The following CTNNA2 variants were observed in gnomAD, a reference collection of about 807,000 sequenced individuals.
CTNNA2 encodes the protein catenin alpha-2.
A neutral mutation model predicts 101.0 loss-of-function variants in CTNNA2; 42 were observed. The ratio of observed to expected loss-of-function variants is 0.42; its 90% confidence interval spans 0.32 to 0.54. The LOEUF is 0.54. Ranked by LOEUF, CTNNA2 falls within the 20% of genes least tolerant of loss-of-function variation. CTNNA2 has a pLI of 0.14. For synonymous variants in CTNNA2, 450 were observed against 456.4 expected (o/e 0.99, Z 0.18); for missense variants, 871 against 1,223.1 (o/e 0.71, Z 4.29).
rs572524537 is a variant in CTNNA2, at chr2:79,201,796, A to G, written c.-406+3720A>G. ...GGTTAGCAAAATGTGAACCCCAAAT[A>G]TATGAGATGGGTCTCAGTCAATTTA... On this transcript the variant is annotated intron_variant, in intron 2 of 21. Coordinates refer to the CTNNA2 transcript ENST00000466387. 1.4e-4 allele frequency among the ~76,000 whole-genome samples: 22 copies of G among 152,204 alleles called. No homozygotes were observed. The South Asian group carries it at 4.6e-3, about 32-fold the overall frequency.
At chr2:80,244,087 A>G (rs1262070600) in intron 7 of CTNNA2, among the ~76,000 whole-genome samples, 2 of 152,238 alleles carry the variant, frequency 1.3e-5, no homozygotes, top group African/African-American at 2.4e-5. Flanking sequence ...ATGACCTAAC[A>G]TGAAGAGAAA....
At chr2:79,804,990 G>T (rs968523298) in intron 3 of CTNNA2, among the ~76,000 whole-genome samples, 1 of 152,172 alleles carries the variant, frequency 6.6e-6, no homozygotes, top group African/African-American at 2.4e-5. Context: ...GGGGAGCGGG[G>T]TCACCATGAC....
At chr2:79,951,633 C>G (rs1010858931) in intron 7 of CTNNA2, among the ~76,000 whole-genome samples, 1 of 151,832 alleles carries the variant, frequency 6.6e-6, no homozygotes, top group African/African-American at 2.4e-5. Flanking sequence ...CCATAGTACT[C>G]TAGCCTGGAT....
intron 9 of CTNNA2, among the ~76,000 whole-genome samples, chr2:80,460,752 C>G (rs960127178): frequency 6.6e-6 from 1 of 152,122 alleles, no homozygotes; most frequent in Non-Finnish European, 1.5e-5. Flanking sequence ...TTTAAAATAT[C>G]TTGTACATTC....
chr2:79,524,239 G>A (rs929865739), intron 1 of CTNNA2, among the ~76,000 whole-genome samples: 1 of 151,546 alleles, frequency 6.6e-6, no homozygotes, highest in African/African-American at 2.4e-5. Context: ...AGTCTTTTTT[G>A]TGTCCTTCAG....
At chr2:79,829,125 A>G (rs1678669180) in intron 3 of CTNNA2, among the ~76,000 whole-genome samples, 1 of 152,188 alleles carries the variant, frequency 6.6e-6, no homozygotes, top group South Asian at 2.1e-4. Context: ...GAAAAGGAAC[A>G]TGTTATCCTT....
rs1467280230 is a variant in CTNNA2, at chr2:79,338,645, A to ATTCTTCTTCTTCTTCTTCTTCTTCTT, written c.-318+25849_-318+25850insTTCTTCTTCTTCTTCTTCTTCTTCTT. Among the ~76,000 whole-genome samples the ATTCTTCTTCTTCTTCTTCTTCTTCTT allele has an allele frequency of 7.6e-4, 41 of 53,936 alleles. 1 individual carries two copies. Among genetic ancestry groups the ATTCTTCTTCTTCTTCTTCTTCTTCTT allele is most frequent in the Non-Finnish European group, 1.5e-3 (36 of 24,752 alleles). The allele number at this position is 53,936 out of a possible 152,430, so 35.4% of individuals were successfully genotyped here. ...TTCTTCTTCTTCTTCTTCTTCTTCA[A>ATTCTTCTTCTTCTTCTTCTTCTTCTT]AGATTCCTCTGGCTGCTCTGGATTA... On this transcript the variant is annotated intron_variant, in intron 3 of 21. Coordinates refer to the CTNNA2 transcript ENST00000466387.
At chr2:79,381,046 G>A (rs1280168914) in intron 4 of CTNNA2, among the ~76,000 whole-genome samples, 1 of 152,194 alleles carries the variant, frequency 6.6e-6, no homozygotes, top group Non-Finnish European at 1.5e-5. Context: ...TTGGATTTTT[G>A]TAGAATTTTT....
intron 9 of CTNNA2, among the ~76,000 whole-genome samples, chr2:80,489,487 C>T (rs1391755064): frequency 6.6e-6 from 1 of 152,084 alleles, no homozygotes; most frequent in Non-Finnish European, 1.5e-5. Context: ...AGTAGATCAT[C>T]CTGAACATAT....
chr2:80,468,167 G>A (rs1022039839), intron 9 of CTNNA2, among the ~76,000 whole-genome samples: 11 of 152,212 alleles, frequency 7.2e-5, no homozygotes, highest in African/African-American at 2.6e-4. Context: ...TTGAAGGCAG[G>A]ATTGGCTTTT....
At chr2:80,453,167 A>C (rs1371916976) in intron 9 of CTNNA2, among the ~76,000 whole-genome samples, 2 of 152,218 alleles carry the variant, frequency 1.3e-5, no homozygotes, top group Non-Finnish European at 2.9e-5. Flanking sequence ...TTCCATTTCA[A>C]CACTGGTGAA....
At chr2:80,223,893 A>G (rs747765505) in intron 7 of CTNNA2, among the ~76,000 whole-genome samples, 1 of 152,208 alleles carries the variant, frequency 6.6e-6, no homozygotes, top group Non-Finnish European at 1.5e-5. Flanking sequence ...CAAGGTAATC[A>G]TACTGTTTAG....
chr2:80,166,106 G>A (rs752192105), intron 7 of CTNNA2, among the ~76,000 whole-genome samples: 1 of 152,130 alleles, frequency 6.6e-6, no homozygotes, highest in South Asian at 2.1e-4. Context: ...TTTGACCCTA[G>A]TTCCTGGCAC....
intron 4 of CTNNA2, among the ~76,000 whole-genome samples, chr2:79,486,448 C>G (rs766288428): frequency 1.3e-4 from 20 of 152,108 alleles, no homozygotes; most frequent in Non-Finnish European, 2.5e-4. Flanking sequence ...TGTAAATGTG[C>G]CACATTTTCT....
At chr2:80,251,484 T>G (rs1270765845) in intron 7 of CTNNA2, among the ~76,000 whole-genome samples, 1 of 152,098 alleles carries the variant, frequency 6.6e-6, no homozygotes, top group African/African-American at 2.4e-5. Context: ...TGAAACCCTC[T>G]TAAACTGTGT....
At chr2:80,593,953 A>C (rs1355281505) in intron 15 of CTNNA2, among the ~76,000 whole-genome samples, 1 of 152,148 alleles carries the variant, frequency 6.6e-6, no homozygotes, top group African/African-American at 2.4e-5. Flanking sequence ...GTGTATAAGT[A>C]TGTAAGTTCC....
intron 4 of CTNNA2, among the ~76,000 whole-genome samples, chr2:79,388,593 G>A (rs1000488010): frequency 5.3e-5 from 8 of 152,126 alleles, no homozygotes; most frequent in African/African-American, 1.9e-4. Flanking sequence ...TTGCACAATA[G>A]TGTCCACAGC....
chr2:79,785,395 A>G (rs1406280403), intron 3 of CTNNA2, among the ~76,000 whole-genome samples: 1 of 151,954 alleles, frequency 6.6e-6, no homozygotes, highest in Non-Finnish European at 1.5e-5. Flanking sequence ...CTGTCTTGTG[A>G]CCCTAACTTA....
At chr2:80,346,731 A>G (rs1387934619) in intron 7 of CTNNA2, among the ~76,000 whole-genome samples, 1 of 152,142 alleles carries the variant, frequency 6.6e-6, no homozygotes, top group Non-Finnish European at 1.5e-5. Flanking sequence ...AATTTCACAA[A>G]CCTTAAAAAG....
Sources: allele counts gnomAD v4.1 joint callset (sites outside exome capture counted in the v4.1 genomes callset), GRCh38; gene constraint gnomAD v4.1.1; transcripts MANE v1.5; gene names NCBI Gene and HGNC (gene_info 2026-07-23, HGNC 2026-07-21).